Variants in REV3L observed in about 807,000 individuals in gnomAD.
REV3L encodes DNA polymerase zeta catalytic subunit.
Under a neutral mutation model 299.4 loss-of-function variants are expected in REV3L, and 69 were observed. The observed-to-expected ratio is 0.23, with a 90% CI of 0.19 to 0.28. The LOEUF (loss-of-function observed/expected upper bound fraction) is 0.28, where lower values mean the gene tolerates loss of function less well. Ranked by LOEUF, REV3L falls within the 10% of genes least tolerant of loss-of-function variation. The pLI is 1.00. For synonymous variants in REV3L, 1,238 were observed against 1,271.4 expected (o/e 0.97, Z 0.56); for missense variants, 3,128 against 3,693.8 (o/e 0.85, Z 3.97).
Position 111,355,659 on chromosome 6 carries a change from T to C in REV3L, c.7184+1355A>G, listed in dbSNP as rs141285692. Reference sequence around the variant, plus strand: ...CAATGTTGGCAGGTAATCCTATCATTGGGAATATACCCAACAAGGAAAAGG... The same window carrying C: ...CAATGTTGGCAGGTAATCCTATCATCGGGAATATACCCAACAAGGAAAAGG... On this transcript the variant is annotated intron_variant, in intron 18 of 31. Coordinates refer to ENST00000368802, the MANE Select transcript of REV3L (RefSeq NM_001372078.1). Among the ~76,000 whole-genome samples the C allele has an allele frequency of 8.5e-5, 13 of 152,270 alleles. No individual in the cohort carries two copies. The East Asian group carries it at 2.5e-3, about 29-fold the overall frequency.
chr6:111,381,304 T>C (rs1780806355), intron 10 of REV3L, 21 bp downstream of exon 10: 1 of 1,610,280 alleles, frequency 6.2e-7, no homozygotes, highest in Admixed American at 1.7e-5. Context: ...ACTGAATATT[T>C]ATGGTAGCAC....
chr6:111,329,161 G>A (rs891638562), intron 25 of REV3L, among the ~76,000 whole-genome samples: 5 of 151,866 alleles, frequency 3.3e-5, no homozygotes, highest in African/African-American at 2.4e-5. Context: ...ATCCTGCCTC[G>A]GCCTCTTGAG....
rs1247611417 is a variant in REV3L, at chr6:111,482,992, C to A, written c.-104G>T. 2.3e-6 allele frequency: 3 copies of A among 1,322,970 alleles called. No individual in the cohort carries two copies. Among genetic ancestry groups the A allele is most frequent in the Admixed American group, 4.0e-5 (1 of 24,700 alleles). The allele number at this position is 1,322,970 out of a possible 1,614,324, so 82.0% of individuals were successfully genotyped here. On this transcript the variant is annotated 5_prime_UTR_variant, in exon 1 of 32. Transcript: ENST00000368802. ...CGGCGGCGGCGCCCCCTCCCCTTCTCGGCACGGCCCCCTCCCCTCACACAG... is the reference window on the plus strand; with the variant it reads ...CGGCGGCGGCGCCCCCTCCCCTTCTAGGCACGGCCCCCTCCCCTCACACAG...
Position 111,299,864 on chromosome 6 carries a change from A to AT in REV3L, c.*151dup. 3.1e-6 allele frequency: 2 copies of AT among 641,776 alleles called. No homozygotes were observed. The highest frequency in any genetic ancestry group is 5.0e-6 in the Non-Finnish European group (2 of 397,604). The allele number at this position is 641,776 out of a possible 1,614,324, so 39.8% of individuals were successfully genotyped here. On this transcript the variant is annotated 3_prime_UTR_variant, in exon 32 of 32. Transcript: ENST00000368802. ...GAGCTATTCAGAGATCAACAAGTAC[A>AT]TTTTAATTCGGTTAGCATAGAAGTC...
chr6:111,303,595 G>A (rs1272562490), intron 31 of REV3L, among the ~76,000 whole-genome samples: 1 of 141,870 alleles, frequency 7.0e-6, no homozygotes, highest in African/African-American at 2.7e-5. Flanking sequence ...TCAAACTCCT[G>A]CCCTCAAGTG....
Position 111,401,721 on chromosome 6 carries a change from A to G in REV3L, c.565+3749T>C, listed in dbSNP as rs1208376035. Among the ~76,000 whole-genome samples the G allele has an allele frequency of 2.8e-5, 3 of 107,316 alleles. No individual in the cohort carries two copies. In the Admixed American group the frequency reaches 2.9e-4, roughly 10 times the overall value. 70.4% of individuals were successfully genotyped at this position (107,316 alleles called of 152,430 possible). Reference sequence around the variant, plus strand: ...TTTAAATGCATAAGTTGTTCCACATAAGAAAATTACTAGCATGCTGGAGAG... The same window carrying G: ...TTTAAATGCATAAGTTGTTCCACATGAGAAAATTACTAGCATGCTGGAGAG... On this transcript the variant is annotated intron_variant, in intron 4 of 31. Coordinates refer to ENST00000368802, the MANE Select transcript of REV3L (RefSeq NM_001372078.1).
At chr6:111,363,729 GAAGATT>G in intron 16 of REV3L, 118 bp downstream of exon 16, 2 of 853,632 alleles carry the variant, frequency 2.3e-6, no homozygotes, top group Non-Finnish European at 3.4e-6. Flanking sequence ...AGAACAAGAT[GAAGATT>G]AATAGGATAG....
chr6:111,445,788 G>T (rs1348667363), intron 1 of REV3L, among the ~76,000 whole-genome samples: 1 of 152,196 alleles, frequency 6.6e-6, no homozygotes, highest in Non-Finnish European at 1.5e-5. Context: ...GTCTTTAAAG[G>T]ATGGGTAGGA....
chr6:111,440,363 C>A (rs565131162), intron 1 of REV3L, among the ~76,000 whole-genome samples: 18 of 152,250 alleles, frequency 1.2e-4, no homozygotes, highest in African/African-American at 4.3e-4. Context: ...GCCACCACGC[C>A]GAGTCCCAAA....
At chr6:111,402,116 GA>G (rs1324625474) in intron 4 of REV3L, among the ~76,000 whole-genome samples, 3 of 151,654 alleles carry the variant, frequency 2.0e-5, no homozygotes, top group Non-Finnish European at 4.4e-5. Context: ...GTCTTACAAA[GA>G]AAAAAATAAT....
At chr6:111,341,016 A>T (rs1582592930) in intron 21 of REV3L, among the ~76,000 whole-genome samples, 1 of 145,986 alleles carries the variant, frequency 6.8e-6, no homozygotes, top group South Asian at 2.2e-4. Context: ...AGTTTTATTT[A>T]TTGGTGTATA....
At position 111,307,473 on chromosome 6, in the gene REV3L, T is replaced by A; in HGVS notation, c.9140A>T (p.Asp3047Val). The A allele has an allele frequency of 1.9e-6, 3 of 1,614,156 alleles. No homozygotes were observed. Among genetic ancestry groups the A allele is most frequent in the Non-Finnish European group, 2.5e-6 (3 of 1,180,002 alleles). ...FTTLHCPVCD[D>V]LTQHGICSKC... Reference sequence around the variant, plus strand: ...ACTACAGATGCCATGCTGAGTTAGGTCATCACACACAGGACAGTGTAAGGT... The same window carrying A: ...ACTACAGATGCCATGCTGAGTTAGGACATCACACACAGGACAGTGTAAGGT... Residue 3047 changes from aspartate to valine, a missense_variant, in exon 31 of 32, where the codon GAC (aspartate) becomes GTC (valine). This residue lies in a region of REV3L where 294 missense variants were observed against 377.0 expected (regional missense o/e 0.78). Coordinates refer to ENST00000368802, the MANE Select transcript of REV3L (RefSeq NM_001372078.1).
At chr6:111,472,255 T>C (rs1420374293) in intron 1 of REV3L, 3 of 431,804 alleles carry the variant, frequency 6.9e-6, no homozygotes, top group Non-Finnish European at 1.1e-5. Context: ...ACAAAGTCTT[T>C]CATTTCACCA....
Position 111,373,735 on chromosome 6 carries a change from T to G in REV3L, c.4620A>C (p.Lys1540Asn). ...LKELLQKRQQ[K>N]AQNANTTQDP... ...CTTGTGTAGTATTTGCATTTTGTGC[T>G]TTCTGCTGTCTTTTTTGTAACAATT... The change falls in exon 13 of 32, where the codon AAA (lysine) becomes AAC (asparagine). Residue 1540 changes from lysine to asparagine, a missense_variant. Around this residue, in one of 9 missense-constraint regions of REV3L, gnomAD observed 2,409 missense variants for 2,611.8 expected, o/e 0.92. Coordinates refer to ENST00000368802, the MANE Select transcript of REV3L (RefSeq NM_001372078.1). 6.2e-7 allele frequency: 1 copy of G among 1,613,958 alleles called. No individual in the cohort carries two copies. The highest frequency in any genetic ancestry group is 8.5e-7 in the Non-Finnish European group (1 of 1,179,968).
chr6:111,423,032 T>C (rs1233880443), intron 1 of REV3L, among the ~76,000 whole-genome samples: 1 of 152,132 alleles, frequency 6.6e-6, no homozygotes, highest in African/African-American at 2.4e-5. Context: ...TCTTTGTATA[T>C]ACAGTGCAGG....
chr6:111,312,166 GATATTT>G (rs1773055135), intron 28 of REV3L: 1 of 152,092 alleles, frequency 6.6e-6, no homozygotes, highest in Non-Finnish European at 1.5e-5. Context: ...GGAACCAATG[GATATTT>G]ATACAATAAG....
chr6:111,381,516 T>C (rs1180455083), intron 9 of REV3L, 72 bp from the exon 10 acceptor site: 3 of 1,361,982 alleles, frequency 2.2e-6, no homozygotes, highest in African/African-American at 2.9e-5. Context: ...AGAATTTGTG[T>C]AAATTTGGAA....
chr6:111,448,906 T>C (rs1316476391), intron 1 of REV3L, among the ~76,000 whole-genome samples: 1 of 142,526 alleles, frequency 7.0e-6, no homozygotes, highest in Non-Finnish European at 1.5e-5. Flanking sequence ...CAAGCAATCT[T>C]CCTGCCCCGG....
intron 1 of REV3L, among the ~76,000 whole-genome samples, chr6:111,425,855 A>T (rs1786113147): frequency 6.6e-6 from 1 of 152,190 alleles, no homozygotes; most frequent in African/African-American, 2.4e-5. Context: ...AGAAATTATA[A>T]AAAAAGAACC....
Sources: allele counts gnomAD v4.1 joint callset (sites outside exome capture counted in the v4.1 genomes callset), GRCh38; gene constraint gnomAD v4.1.1; regional missense constraint gnomAD v4.1.1; transcripts MANE v1.5; gene names NCBI Gene and HGNC (gene_info 2026-07-23, HGNC 2026-07-21).